The following DNAH14 variants were observed in gnomAD, a reference collection of about 807,000 sequenced individuals.
DNAH14 encodes the protein dynein axonemal heavy chain 14.
Under a neutral mutation model 520.9 loss-of-function variants are expected in DNAH14, and 478 were observed. The ratio of observed to expected loss-of-function variants is 0.92; its 90% CI spans 0.85 to 0.99. The LOEUF (loss-of-function observed/expected upper bound fraction) is 0.99, where lower values mean the gene tolerates loss of function less well. DNAH14 is among the 50% of genes least tolerant of loss of function. The pLI is 0.00. For missense variants in DNAH14, 4,831 were observed against 5,234.5 expected, an observed-to-expected ratio of 0.92 and a Z score of 2.38; for synonymous variants, 1,581 against 1,757.2, an observed-to-expected ratio of 0.90 and a Z score of 2.51.
intron 23 of DNAH14, among the ~76,000 whole-genome samples, chr1:225,105,219 G>A (rs2075923429): frequency 6.6e-6 from 1 of 152,158 alleles, no homozygotes; most frequent in African/African-American, 2.4e-5. Flanking sequence ...TTAATCCTGA[G>A]TTCTAGTTTG....
chr1:225,176,430 G>T (rs777079603), intron 36 of DNAH14, among the ~76,000 whole-genome samples: 1 of 152,140 alleles, frequency 6.6e-6, no homozygotes, highest in African/African-American at 2.4e-5. Context: ...TGTTATATCT[G>T]TTGGGGGAAA....
At chr1:225,127,614 G>A (rs2077884808) in intron 27 of DNAH14, among the ~76,000 whole-genome samples, 1 of 152,100 alleles carries the variant, frequency 6.6e-6, no homozygotes, top group Non-Finnish European at 1.5e-5. Flanking sequence ...CTGCACGTGA[G>A]ATGGGTTTCC....
chr1:225,121,195 A>G (rs1266917224), intron 26 of DNAH14, among the ~76,000 whole-genome samples: 1 of 152,224 alleles, frequency 6.6e-6, no homozygotes, highest in Non-Finnish European at 1.5e-5. Flanking sequence ...CATGTACACA[A>G]TGTAAAATGA....
chr1:225,194,302 C>T (rs2085833561), intron 38 of DNAH14, among the ~76,000 whole-genome samples: 1 of 152,098 alleles, frequency 6.6e-6, no homozygotes, highest in Non-Finnish European at 1.5e-5. Context: ...CAACATGATA[C>T]TTATACAAAT....
Position 225,340,646 on chromosome 1 carries a change from C to T in DNAH14, c.10623C>T (p.Ala3541=). 6.4e-7 allele frequency: 1 copy of T among 1,551,330 alleles called. No homozygotes were observed. Among genetic ancestry groups the T allele is most frequent in the African/African-American group, 1.4e-5 (1 of 73,114 alleles). The part of the protein sequence containing the change: ...SKLLESISLD[A]ITLEELEEKT... ...TACTGGAGAGTATTTCCCTTGATGC[C>T]ATAACTCTTGAAGAACTAGAGGAAA... is the stretch of plus-strand genomic sequence containing the variant. Residue 3541 remains alanine (A), a synonymous_variant, in exon 69 of 86, where the codon GCC becomes GCT. Coordinates refer to ENST00000682510, the MANE Select transcript of DNAH14 (RefSeq NM_001367479.1).
At chr1:225,084,793 G>A in intron 20 of DNAH14, among the ~76,000 whole-genome samples, 1 of 13,804 alleles carries the variant, frequency 7.2e-5, no homozygotes, top group Non-Finnish European at 3.3e-3. Context: ...GACTTGACAA[G>A]GCTAGATTCA....
intron 60 of DNAH14, among the ~76,000 whole-genome samples, chr1:225,316,231 T>A (rs1420706201): frequency 1.3e-5 from 2 of 152,134 alleles, no homozygotes; most frequent in African/African-American, 4.8e-5. Flanking sequence ...CAGGTCTTCT[T>A]CAGACTGCTG....
chr1:225,368,099 T>C, intron 77 of DNAH14, 67 bp downstream of exon 77: 2 of 1,319,342 alleles, frequency 1.5e-6, no homozygotes, highest in Non-Finnish European at 2.1e-6. Context: ...GAGCCTACTA[T>C]GTGCCTACAC....
chr1:225,287,765 A>T (rs1558273105), intron 54 of DNAH14, among the ~76,000 whole-genome samples: 1 of 152,066 alleles, frequency 6.6e-6, no homozygotes, highest in Non-Finnish European at 1.5e-5. Context: ...TGGGACAGGA[A>T]ATATACAATA....
chr1:225,274,814 GT>G (rs2093426373), intron 52 of DNAH14, among the ~76,000 whole-genome samples: 1 of 152,306 alleles, frequency 6.6e-6, no homozygotes, highest in East Asian at 1.9e-4. Flanking sequence ...TCTTAAGGAT[GT>G]AAGGATTTAA....
Position 225,152,735 on chromosome 1 carries a change from C to A in DNAH14, c.5048C>A (p.Ser1683Tyr). 6.4e-7 allele frequency: 1 copy of A among 1,550,932 alleles called. No individual in the cohort carries two copies. Among genetic ancestry groups the A allele is most frequent in the Non-Finnish European group, 8.7e-7 (1 of 1,146,636 alleles). Residue 1683 changes from serine (S) to tyrosine (Y), a missense_variant, in exon 33 of 86, where the codon TCT becomes TAT. Transcript: ENST00000682510. ...GGVELPDNLK[S>Y]LFRPVAMMVP... Reference sequence around the variant, plus strand: ...GTAGAGCTCCCAGATAACTTAAAATCTCTGTTTCGCCCAGTGGCAATGATG... The same window carrying A: ...GTAGAGCTCCCAGATAACTTAAAATATCTGTTTCGCCCAGTGGCAATGATG...
At position 225,061,277 on chromosome 1, in the gene DNAH14, A is replaced by G. The variant is rs574096853; in HGVS notation, c.2424+9482A>G. 1.4e-3 allele frequency among the ~76,000 whole-genome samples: 219 copies of G among 152,306 alleles called. 1 individual carries two copies. Among genetic ancestry groups the G allele is most frequent in the African/African-American group, 4.9e-3 (203 of 41,570 alleles). On this transcript the variant is annotated intron_variant, in intron 17 of 85. Transcript: ENST00000682510. ...TTGGTCTCAGACTGCTGTGCTAGCA[A>G]TGAGCGTGGCTCCGTGGGCGTAGGA... is the stretch of plus-strand genomic sequence containing the variant.
chr1:225,353,898 C>A lies in DNAH14; in HGVS notation c.11619+10C>A, dbSNP rs529824270. The A allele has an allele frequency of 7.4e-7, 1 of 1,353,472 alleles. No individual in the cohort carries two copies. Among genetic ancestry groups the A allele is most frequent in the Admixed American group, 2.3e-5 (1 of 44,440 alleles). The allele number at this position is 1,353,472 out of a possible 1,614,324, so 83.8% of individuals were successfully genotyped here. Reference sequence around the variant, plus strand: ...TCAAAGACTTATTTTGGTAAGATATCTTATGAGGAAATATTAATATTCTAA... The same window carrying A: ...TCAAAGACTTATTTTGGTAAGATATATTATGAGGAAATATTAATATTCTAA... On this transcript the variant is annotated intron_variant, in intron 73 of 85. Coordinates refer to ENST00000682510, the MANE Select transcript of DNAH14 (RefSeq NM_001367479.1).
chr1:225,392,496 T>A, intron 84 of DNAH14, 45 bp downstream of exon 84: 2 of 1,543,622 alleles, frequency 1.3e-6, no homozygotes, highest in Non-Finnish European at 1.8e-6. Flanking sequence ...CATTCATTCA[T>A]TCATTTATTC....
chr1:225,343,672 C>T (rs1318169025), intron 69 of DNAH14, among the ~76,000 whole-genome samples: 1 of 152,100 alleles, frequency 6.6e-6, no homozygotes, highest in Non-Finnish European at 1.5e-5. Context: ...GCCTAGAGGA[C>T]CTGACTTTAT....
intron 20 of DNAH14, among the ~76,000 whole-genome samples, chr1:225,083,239 T>G (rs2073346113): frequency 6.6e-6 from 1 of 152,116 alleles, no homozygotes; most frequent in African/African-American, 2.4e-5. Context: ...ATTAAAAACT[T>G]TCTATTTTTA....
Position 225,360,858 on chromosome 1 carries a change from C to T in DNAH14, c.11954C>T (p.Ser3985Leu). 1 of 1,551,710 alleles carries T rather than the reference C, an allele frequency of 6.4e-7. No individual in the cohort carries two copies. The highest frequency in any genetic ancestry group is 8.7e-7 in the Non-Finnish European group (1 of 1,146,988). The change falls in exon 75 of 86, where the codon TCA (serine) becomes TTA (leucine). Residue 3985 changes from serine to leucine, a missense_variant. Transcript: ENST00000682510. ...VFLQNCHLAT[S>L]FMPRLCTIVE... ...CTCCAGAACTGCCATCTTGCAACAT[C>T]ATTTATGCCAAGGCTTTGCACAATT...
At chr1:225,105,270 A>T (rs6701867) in intron 23 of DNAH14, among the ~76,000 whole-genome samples, 39,543 of 151,766 alleles carry the variant, frequency 0.26, 7,961 homozygotes, top group African/African-American at 0.56. Flanking sequence ...ATAATTTCTG[A>T]TCTTTTACAT....
At chr1:224,929,667 G>C, upstream of DNAH14, 1 of 702,476 alleles carries the variant, frequency 1.4e-6, no homozygotes. Context: ...GCGCAGGCGT[G>C]GCTCTTGGTC....
Sources: gnomAD v4.1 joint callset for allele counts (sites outside exome capture counted in the v4.1 genomes callset) on GRCh38, gnomAD v4.1.1 for gene constraint, MANE v1.5 for transcripts, NCBI Gene and HGNC (gene_info 2026-07-23, HGNC 2026-07-21) for gene names.